The following TIMM23B variants were observed in gnomAD, a reference collection of about 807,000 sequenced individuals.
The protein encoded by TIMM23B is translocase of inner mitochondrial membrane 23 homolog B, also known as mitochondrial import inner membrane translocase subunit Tim23B.
A neutral mutation model predicts 27.3 loss-of-function variants in TIMM23B; 27 were observed. The ratio of observed to expected loss-of-function variants is 0.99; its 90% CI spans 0.73 to 1.36. The LOEUF (loss-of-function observed/expected upper bound fraction) is 1.36. Among genes scored for constraint, TIMM23B ranks in the 40% most tolerant of loss-of-function variants. The probability of loss-of-function intolerance (pLI) is 0.00; values close to 1 mark genes in which losing one functional copy is unlikely to be tolerated. For missense variants in TIMM23B, 205 were observed against 244.2 expected, an observed-to-expected ratio of 0.84 and a Z score of 1.07; for synonymous variants, 73 against 92.4, an observed-to-expected ratio of 0.79 and a Z score of 1.21.
intron 5 of TIMM23B, 55 bp downstream of exon 5, chr10:49,955,115 A>G: frequency 9.0e-6 from 14 of 1,558,034 alleles, no homozygotes; most frequent in African/African-American, 2.7e-5. Context: ...AGAATGCACA[A>G]ATATCATGAA....
At chr10:49,972,366 A>C (rs1237389771) in intron 6 of TIMM23B, among the ~76,000 whole-genome samples, 36 of 151,704 alleles carry the variant, frequency 2.4e-4, no homozygotes, top group African/African-American at 7.5e-4. Flanking sequence ...GAACCCTTGT[A>C]CACAAAGCTC....
At chr10:49,957,764 A>T (rs879211228) in intron 5 of TIMM23B, among the ~76,000 whole-genome samples, 28,099 of 152,096 alleles carry the variant, frequency 0.18, 3,245 homozygotes, top group Non-Finnish European at 0.27. Flanking sequence ...CTTGGGCCTC[A>T]TGTGGAAAAT....
At chr10:49,942,622 GCT>G (rs1295828004) in intron 1 of TIMM23B, among the ~76,000 whole-genome samples, 1 of 152,154 alleles carries the variant, frequency 6.6e-6, no homozygotes, top group African/African-American at 2.4e-5. Context: ...GTAGAGCCCA[GCT>G]TTGGGAGTAA....
At chr10:49,958,319 T>C (rs1839790151) in intron 5 of TIMM23B, 51 bp from the exon 6 acceptor site, 3 of 1,391,656 alleles carry the variant, frequency 2.2e-6, no homozygotes, top group South Asian at 1.2e-5. Context: ...TATATCATAA[T>C]ATCACACTTT....
In TIMM23B at chr10:49,954,265, C is replaced by T. The variant is rs1303149596; in HGVS notation, c.345-737C>T. On this transcript the variant is annotated intron_variant, in intron 4 of 6. Coordinates refer to ENST00000651259, the MANE Select transcript of TIMM23B (RefSeq NM_001290117.2). ...GAACCATTCCTGGGATGGTGTTACACTGCTGGGAGAAGAATGTCTTCTCTT... is the reference window on the plus strand; with the variant it reads ...GAACCATTCCTGGGATGGTGTTACATTGCTGGGAGAAGAATGTCTTCTCTT... 1.2e-5 allele frequency: 5 copies of T among 421,252 alleles called. No individual in the cohort carries two copies. The East Asian group carries it at 3.3e-4, about 28-fold the overall frequency. The allele number at this position is 421,252 out of a possible 1,614,324, so 26.1% of individuals were successfully genotyped here.
At chr10:49,946,072 C>A (rs1333492890) in intron 2 of TIMM23B, among the ~76,000 whole-genome samples, 1 of 152,078 alleles carries the variant, frequency 6.6e-6, no homozygotes, top group Non-Finnish European at 1.5e-5. Flanking sequence ...TACCTGTAAT[C>A]CCAGCTGCTT....
intron 4 of TIMM23B, among the ~76,000 whole-genome samples, chr10:49,953,649 T>C (rs1366613087): frequency 2.0e-5 from 3 of 152,206 alleles, no homozygotes; most frequent in African/African-American, 2.4e-5. Context: ...CCTAGCTCTG[T>C]TAAGTTTTTT....
chr10:49,951,545 A>G (rs1270884387), intron 2 of TIMM23B, among the ~76,000 whole-genome samples: 3 of 152,292 alleles, frequency 2.0e-5, no homozygotes, highest in East Asian at 3.9e-4. Flanking sequence ...ATGACCTTCC[A>G]GGGGTTCATG....
intron 6 of TIMM23B, among the ~76,000 whole-genome samples, chr10:49,960,279 G>C (rs1286107092): frequency 1.3e-5 from 2 of 149,696 alleles, no homozygotes; most frequent in Non-Finnish European, 3.0e-5. Flanking sequence ...TTGAACTCCT[G>C]GGCTCAAGCA....
chr10:49,959,038 T>A (rs1165974750), intron 6 of TIMM23B, among the ~76,000 whole-genome samples: 1 of 152,254 alleles, frequency 6.6e-6, no homozygotes, highest in African/African-American at 2.4e-5. Flanking sequence ...TTCTACCTTT[T>A]GGCTATTGTG....
At chr10:49,948,022 AT>A (rs1258157150) in intron 2 of TIMM23B, among the ~76,000 whole-genome samples, 2 of 152,196 alleles carry the variant, frequency 1.3e-5, no homozygotes, top group Non-Finnish European at 2.9e-5. Flanking sequence ...AGAATATTTA[AT>A]TTTTTTAACT....
chr10:49,946,006 A>G (rs1589027581), intron 2 of TIMM23B, among the ~76,000 whole-genome samples: 1 of 152,392 alleles, frequency 6.6e-6, no homozygotes, highest in South Asian at 2.1e-4. Context: ...CCTGGCCAAC[A>G]TAGCGAAACG....
intron 6 of TIMM23B, among the ~76,000 whole-genome samples, chr10:49,966,668 TA>T (rs1170500622): frequency 6.6e-6 from 1 of 151,228 alleles, no homozygotes; most frequent in Non-Finnish European, 1.5e-5. Flanking sequence ...TCTACTAAAA[TA>T]AAAAAACTAG....
In TIMM23B at chr10:49,946,895, AT is replaced by A. The variant is rs1839370380; in HGVS notation, c.165+1808del. Among the ~76,000 whole-genome samples, 26 of 151,660 alleles carry A rather than the reference AT, an allele frequency of 1.7e-4. 1 individual carries two copies. The South Asian group carries it at 5.4e-3, about 32-fold the overall frequency. ...TAGATTGGAGGACTTGAACTTGCCA[AT>A]TTCAAAACTTTCTACAGAGCCACAT... On this transcript the variant is annotated intron_variant, in intron 2 of 6. Transcript: ENST00000651259.
At chr10:49,970,592 C>T (rs1338460906) in intron 6 of TIMM23B, 1 of 153,556 alleles carries the variant, frequency 6.5e-6, no homozygotes, top group Non-Finnish European at 1.4e-5. Context: ...AGCCCCTCCG[C>T]CCGGCAGCCG....
chr10:49,948,838 A>G (rs1355312674), intron 2 of TIMM23B, among the ~76,000 whole-genome samples: 2 of 152,208 alleles, frequency 1.3e-5, no homozygotes, highest in Non-Finnish European at 2.9e-5. Context: ...CACTCTAAGT[A>G]AGTAAATTGT....
rs1172380268 is a variant in TIMM23B, at chr10:49,973,963, G to A, written c.*899G>A. On this transcript the variant is annotated 3_prime_UTR_variant, in exon 7 of 7. Coordinates refer to ENST00000651259, the MANE Select transcript of TIMM23B (RefSeq NM_001290117.2). ...ACTACAGGCACACACCACCACTCCC[G>A]GCTAATTTTTTGTGTTTTAGTAGAG... The A allele has an allele frequency of 3.9e-5, 5 of 127,390 alleles. No individual in the cohort carries two copies. The highest frequency in any genetic ancestry group is 6.6e-5 in the Non-Finnish European group (4 of 60,946). The allele number at this position is 127,390 out of a possible 1,614,324, so 7.9% of individuals were successfully genotyped here.
At chr10:49,950,200 C>CTTTTTTT (rs1169522720) in intron 2 of TIMM23B, among the ~76,000 whole-genome samples, 3 of 117,984 alleles carry the variant, frequency 2.5e-5, no homozygotes, top group African/African-American at 9.3e-5. Flanking sequence ...AAAGTTTTTT[C>CTTTTTTT]TTTTTTTTTT....
chr10:49,970,838 G>C (rs1840409888), intron 6 of TIMM23B, among the ~76,000 whole-genome samples: 2 of 152,250 alleles, frequency 1.3e-5, no homozygotes, highest in African/African-American at 4.8e-5. Flanking sequence ...GTACCCAACA[G>C]CTCATTGAGA....
Sources: gnomAD v4.1 joint callset for allele counts (sites outside exome capture counted in the v4.1 genomes callset) on GRCh38, gnomAD v4.1.1 for gene constraint, MANE v1.5 for transcripts, NCBI Gene and HGNC (gene_info 2026-07-23, HGNC 2026-07-21) for gene names.